The following PMFBP1 variants were observed in gnomAD, a reference collection of about 807,000 sequenced individuals.
The protein encoded by PMFBP1 is polyamine modulated factor 1 binding protein 1.
Under a neutral mutation model 137.8 loss-of-function variants are expected in PMFBP1, and 131 were observed. That is an observed-to-expected ratio of 0.95 (90% CI 0.82 to 1.10). The LOEUF is 1.10. Among genes scored for constraint, PMFBP1 ranks in the 50% least tolerant of loss-of-function variants. The pLI, the probability that PMFBP1 is intolerant of heterozygous loss-of-function variation, is 0.00. For missense variants in PMFBP1, 1,199 were observed against 1,175.4 expected, an observed-to-expected ratio of 1.02 and a Z score of -0.29; for synonymous variants, 490 against 450.4, an observed-to-expected ratio of 1.09 and a Z score of -1.11.
the PMFBP1 span, among the ~76,000 whole-genome samples, chr16:72,230,686 A>G: frequency 6.6e-6 from 1 of 152,146 alleles, no homozygotes; most frequent in African/African-American, 2.4e-5. Context: ...TCAACCCCAC[A>G]TCTAAGTAGT....
At position 72,132,941 on chromosome 16, in the gene PMFBP1, T is replaced by C. The variant is rs943610164; in HGVS notation, c.1254A>G (p.Thr418=). The change falls in exon 10 of 21, where the codon ACA becomes ACG. Residue 418 remains threonine (T), a synonymous_variant. Coordinates refer to ENST00000237353, the MANE Select transcript of PMFBP1 (RefSeq NM_031293.3). Reference sequence around the variant, plus strand: ...TTTTCAGGAGGCTGTTCTGAACCTGTGTCAGTTTCTTCTCCAGCTCTTGCA... The same window carrying C: ...TTTTCAGGAGGCTGTTCTGAACCTGCGTCAGTTTCTTCTCCAGCTCTTGCA... ...EMLQELEKKL[T]QVQNSLLKKE... 1.9e-6 allele frequency: 3 copies of C among 1,614,230 alleles called. No individual in the cohort carries two copies. The highest frequency in any genetic ancestry group is 4.5e-5 in the East Asian group (2 of 44,882).
chr16:72,215,836 G>A, the PMFBP1 span, among the ~76,000 whole-genome samples: 1 of 152,180 alleles, frequency 6.6e-6, no homozygotes, highest in Non-Finnish European at 1.5e-5. Flanking sequence ...AGGGAAGATG[G>A]GTGGAAGAAG....
At chr16:72,140,653 G>A in intron 5 of PMFBP1, 71 bp from the exon 6 acceptor site, 1 of 1,387,786 alleles carries the variant, frequency 7.2e-7, no homozygotes, top group Non-Finnish European at 1.0e-6. Flanking sequence ...CCATGAACAT[G>A]GAAAATCTCT....
chr16:72,142,381 T>G (rs2042736788), intron 5 of PMFBP1, among the ~76,000 whole-genome samples: 1 of 151,842 alleles, frequency 6.6e-6, no homozygotes. Flanking sequence ...CTAAAAGGAT[T>G]AGTGAAGTGT....
the PMFBP1 span, among the ~76,000 whole-genome samples, chr16:72,219,951 T>C: frequency 6.6e-6 from 1 of 152,296 alleles, no homozygotes; most frequent in East Asian, 1.9e-4. Flanking sequence ...ACTGAAACAT[T>C]ACCCAAAGAG....
At chr16:72,204,426 C>G in the PMFBP1 span, among the ~76,000 whole-genome samples, 1 of 152,136 alleles carries the variant, frequency 6.6e-6, no homozygotes, top group Non-Finnish European at 1.5e-5. Context: ...GGTCTCAAAA[C>G]TCCTGGGCTC....
the PMFBP1 span, among the ~76,000 whole-genome samples, chr16:72,217,835 T>A: frequency 6.8e-6 from 1 of 148,032 alleles, no homozygotes; most frequent in Admixed American, 6.6e-5. Context: ...TGAAAGTTTG[T>A]CTCAAAAACA....
At chr16:72,201,777 T>C in the PMFBP1 span, among the ~76,000 whole-genome samples, 1 of 152,328 alleles carries the variant, frequency 6.6e-6, no homozygotes, top group South Asian at 2.1e-4. Context: ...ATACATTACC[T>C]TGATTTATTA....
At chr16:72,178,699 A>G (rs539325051), upstream of PMFBP1, among the ~76,000 whole-genome samples, 2 of 152,310 alleles carry the variant, frequency 1.3e-5, no homozygotes, top group South Asian at 4.1e-4. Flanking sequence ...AGCCCTTTCA[A>G]CAATACCCAT....
At position 72,143,468 on chromosome 16, in the gene PMFBP1, C is replaced by G. The variant is rs186954483; in HGVS notation, c.637-2886G>C. ...ACAGTAATAATACAATTAGGCCGGG[C>G]GTGGTGGCTTGCACCTGTAATCCCA... On this transcript the variant is annotated intron_variant, in intron 5 of 20. Coordinates refer to ENST00000237353, the MANE Select transcript of PMFBP1 (RefSeq NM_031293.3). Among the ~76,000 whole-genome samples the G allele has an allele frequency of 5.3e-5, 8 of 152,242 alleles. No homozygotes were observed. The South Asian group carries it at 1.7e-3, about 32-fold the overall frequency.
At chr16:72,177,872 C>T (rs1363848456), upstream of PMFBP1, among the ~76,000 whole-genome samples, 1 of 152,048 alleles carries the variant, frequency 6.6e-6, no homozygotes, top group Non-Finnish European at 1.5e-5. Context: ...TCATAGAATG[C>T]CCCTCAATTT....
At chr16:72,173,219 A>T (rs2043237133), upstream of PMFBP1, among the ~76,000 whole-genome samples, 2 of 152,220 alleles carry the variant, frequency 1.3e-5, no homozygotes. Flanking sequence ...TCACTGATTC[A>T]GTGCTCTACC....
upstream of PMFBP1, among the ~76,000 whole-genome samples, chr16:72,178,120 T>A (rs2043264737): frequency 6.6e-6 from 1 of 152,270 alleles, no homozygotes; most frequent in South Asian, 2.1e-4. Context: ...CTCAAACTCC[T>A]GAGCTCAAGC....
At chr16:72,205,367 C>T in the PMFBP1 span, among the ~76,000 whole-genome samples, 2 of 152,238 alleles carry the variant, frequency 1.3e-5, no homozygotes, top group Non-Finnish European at 2.9e-5. Context: ...CCTGAATGGA[C>T]AGCTCCTTTT....
At chr16:72,122,552 T>C (rs1190515342) in intron 19 of PMFBP1, among the ~76,000 whole-genome samples, 1 of 152,206 alleles carries the variant, frequency 6.6e-6, no homozygotes, top group East Asian at 1.9e-4. Flanking sequence ...GAGATGTTCC[T>C]TGTTTGTTCC....
At chr16:72,239,900 A>AG in the PMFBP1 span, among the ~76,000 whole-genome samples, 1 of 122,670 alleles carries the variant, frequency 8.2e-6, no homozygotes, top group Non-Finnish European at 1.6e-5. Flanking sequence ...AAAAAAAAAA[A>AG]GAAAAAAAAA....
the PMFBP1 span, among the ~76,000 whole-genome samples, chr16:72,198,233 A>G: frequency 6.6e-6 from 1 of 152,232 alleles, no homozygotes; most frequent in African/African-American, 2.4e-5. Context: ...GAGAGTGCTC[A>G]GTAATACTAA....
At chr16:72,132,650 C>T (rs550958552) in intron 10 of PMFBP1, 98 bp downstream of exon 10, 13 of 1,554,480 alleles carry the variant, frequency 8.4e-6, no homozygotes, top group Middle Eastern at 4.6e-4. Flanking sequence ...TGGAGGAGGG[C>T]GAGGGGAAGT....
the PMFBP1 span, among the ~76,000 whole-genome samples, chr16:72,231,053 A>G: frequency 5.7e-3 from 862 of 152,278 alleles, 7 homozygotes; most frequent in Non-Finnish European, 8.0e-3. Context: ...TATAACAATG[A>G]ATGATATATC....
Sources: allele counts gnomAD v4.1 joint callset (sites outside exome capture counted in the v4.1 genomes callset), GRCh38; gene constraint gnomAD v4.1.1; transcripts MANE v1.5; gene names NCBI Gene and HGNC (gene_info 2026-07-23, HGNC 2026-07-21).